PLCB1: variants seen among roughly 807,000 people sequenced by gnomAD.
The protein encoded by PLCB1 is phospholipase C beta 1, also known as 1-phosphatidylinositol 4,5-bisphosphate phosphodiesterase beta-1.
Under a neutral mutation model 161.8 loss-of-function variants are expected in PLCB1, and 46 were observed. The observed-to-expected ratio is 0.28, with a 90% CI of 0.22 to 0.36. The LOEUF (loss-of-function observed/expected upper bound fraction) is 0.36, where lower values mean the gene tolerates loss of function less well. Ranked by LOEUF, PLCB1 falls within the 10% of genes least tolerant of loss-of-function variation. PLCB1 has a pLI of 1.00. For missense variants in PLCB1, 1,016 were observed against 1,472.5 expected, an observed-to-expected ratio of 0.69 and a Z score of 5.07; for synonymous variants, 517 against 503.7, an observed-to-expected ratio of 1.03 and a Z score of -0.35.
intron 10 of PLCB1, among the ~76,000 whole-genome samples, chr20:8,694,777 G>C (rs1990551092): frequency 6.6e-6 from 1 of 152,168 alleles, no homozygotes; most frequent in Non-Finnish European, 1.5e-5. Flanking sequence ...TCAGTGATGT[G>C]CGTAAACAAT....
At chr20:8,876,550 A>G (rs1246438274) in intron 31 of PLCB1, among the ~76,000 whole-genome samples, 1 of 152,156 alleles carries the variant, frequency 6.6e-6, no homozygotes, top group African/African-American at 2.4e-5. Context: ...CCTCACTCAA[A>G]GTTATAGCCA....
chr20:8,880,100 CAG>C (rs891785474), intron 31 of PLCB1, among the ~76,000 whole-genome samples: 20 of 151,940 alleles, frequency 1.3e-4, no homozygotes, highest in South Asian at 4.2e-4. Context: ...GTTTGAAAAG[CAG>C]GGGGAAAAAT....
In PLCB1 at chr20:8,829,755, G is replaced by A. The variant is rs113204927; in HGVS notation, c.3423+39494G>A. 5.1e-3 allele frequency among the ~76,000 whole-genome samples: 770 copies of A among 152,304 alleles called. 11 individuals are homozygous for A. The highest frequency in any genetic ancestry group is 0.017 in the African/African-American group (703 of 41,556). ...AGGGTAGAACAAACTGTTCAGCAACGTATAGATCATTAGGTTTTAAAACCA... is the reference window on the plus strand; with the variant it reads ...AGGGTAGAACAAACTGTTCAGCAACATATAGATCATTAGGTTTTAAAACCA... On this transcript the variant is annotated intron_variant, in intron 31 of 31. Transcript: ENST00000338037.
chr20:8,824,174 G>T (rs1415521111), intron 31 of PLCB1, among the ~76,000 whole-genome samples: 2 of 152,124 alleles, frequency 1.3e-5, no homozygotes, highest in Non-Finnish European at 2.9e-5. Flanking sequence ...ACTGCAGATT[G>T]TTGGGCCTGT....
chr20:8,510,663 T>C (rs1362635673), intron 3 of PLCB1, among the ~76,000 whole-genome samples: 2 of 152,170 alleles, frequency 1.3e-5, no homozygotes, highest in Non-Finnish European at 2.9e-5. Flanking sequence ...AGTGCTGGGA[T>C]TACAGGCGTG....
chr20:8,299,104 G>A (rs926350972), intron 2 of PLCB1, among the ~76,000 whole-genome samples: 16 of 152,126 alleles, frequency 1.1e-4, no homozygotes, highest in African/African-American at 3.9e-4. Context: ...TCCTCTAGAG[G>A]CAAAGCCAAC....
chr20:8,644,953 A>G (rs1320187660), intron 4 of PLCB1, among the ~76,000 whole-genome samples: 1 of 152,150 alleles, frequency 6.6e-6, no homozygotes, highest in Admixed American at 6.5e-5. Context: ...AGAGGTAGAC[A>G]TGGGAGACTT....
At chr20:8,198,125 A>T (rs926789338) in intron 2 of PLCB1, among the ~76,000 whole-genome samples, 1 of 152,028 alleles carries the variant, frequency 6.6e-6, no homozygotes, top group Non-Finnish European at 1.5e-5. Context: ...TTGGCTTAAG[A>T]TTGACTTGAC....
chr20:8,705,814 A>G (rs538943786), intron 11 of PLCB1, among the ~76,000 whole-genome samples: 1 of 152,372 alleles, frequency 6.6e-6, no homozygotes, highest in African/African-American at 2.4e-5. Flanking sequence ...AAGAAATGGC[A>G]GGTGCCAGAT....
At chr20:8,391,637 T>C (rs981427312) in intron 3 of PLCB1, among the ~76,000 whole-genome samples, 3 of 151,870 alleles carry the variant, frequency 2.0e-5, no homozygotes, top group African/African-American at 7.3e-5. Context: ...TTTGTCTTGC[T>C]AGTTGGATTT....
chr20:8,810,487 C>G (rs1375801494), intron 31 of PLCB1, among the ~76,000 whole-genome samples: 2 of 152,020 alleles, frequency 1.3e-5, no homozygotes, highest in African/African-American at 4.8e-5. Context: ...CAGTTTTCGC[C>G]CTTTCTCCAA....
intron 2 of PLCB1, among the ~76,000 whole-genome samples, chr20:8,204,522 A>G (rs1978426558): frequency 6.6e-6 from 1 of 152,018 alleles, no homozygotes; most frequent in Non-Finnish European, 1.5e-5. Flanking sequence ...TGTTTGGCTC[A>G]TGGGGGCAGA....
chr20:8,765,374 AT>A lies in PLCB1; in HGVS notation c.2930+21del. ...GTAAGAAAAAGTAAGTTCAATGAAT[AT>A]TTTTAGTTGGTTTCATAGCATGAAG... On this transcript the variant is annotated intron_variant, in intron 26 of 31. Coordinates refer to ENST00000338037, the MANE Select transcript of PLCB1 (RefSeq NM_015192.4). 6.4e-7 allele frequency: 1 copy of A among 1,565,922 alleles called. No homozygotes were observed. Among genetic ancestry groups the A allele is most frequent in the Non-Finnish European group, 8.7e-7 (1 of 1,143,006 alleles).
At chr20:8,181,913 G>A (rs186655352) in intron 2 of PLCB1, among the ~76,000 whole-genome samples, 2 of 152,282 alleles carry the variant, frequency 1.3e-5, no homozygotes, top group East Asian at 3.9e-4. Context: ...AGGTTACAGT[G>A]AGCTATGATT....
At chr20:8,283,365 A>C (rs1457390828) in intron 2 of PLCB1, among the ~76,000 whole-genome samples, 4 of 151,994 alleles carry the variant, frequency 2.6e-5, no homozygotes, top group African/African-American at 9.7e-5. Flanking sequence ...TCAAAACCTA[A>C]AGATACTGTT....
chr20:8,326,303 T>C (rs1051113897), intron 2 of PLCB1, among the ~76,000 whole-genome samples: 1 of 152,220 alleles, frequency 6.6e-6, no homozygotes, highest in African/African-American at 2.4e-5. Flanking sequence ...TTTAATTTTC[T>C]GTTGTTACTC....
intron 1 of PLCB1, among the ~76,000 whole-genome samples, chr20:8,138,710 T>A (rs920848574): frequency 6.6e-6 from 1 of 152,328 alleles, no homozygotes; most frequent in East Asian, 1.9e-4. Flanking sequence ...TTGATTTTTG[T>A]AACTAACTAA....
chr20:8,724,615 G>T (rs778514448), intron 15 of PLCB1, 41 bp from the exon 16 acceptor site: 1 of 1,101,120 alleles, frequency 9.1e-7, no homozygotes, highest in South Asian at 1.3e-5. Flanking sequence ...ATAATATAAT[G>T]CTGACTCTGG....
chr20:8,646,125 T>C lies in PLCB1; in HGVS notation c.408T>C (p.Ser136=). The change falls in exon 5 of 32, where the codon AGT becomes AGC. Residue 136 remains serine, a synonymous_variant. Coordinates refer to ENST00000338037, the MANE Select transcript of PLCB1 (RefSeq NM_015192.4). ...VAKEWTNEVF[S]LATNLLAQNM... is the part of the protein sequence containing the mutation. ...AGGAATGGACAAATGAGGTTTTCAG[T>C]TTGGCAACAAACCTGCTGGCCCAAA... 6.2e-7 allele frequency: 1 copy of C among 1,613,330 alleles called. No individual in the cohort carries two copies. Among genetic ancestry groups the C allele is most frequent in the Non-Finnish European group, 8.5e-7 (1 of 1,179,248 alleles).
Sources: allele counts gnomAD v4.1 joint callset (sites outside exome capture counted in the v4.1 genomes callset), GRCh38; gene constraint gnomAD v4.1.1; transcripts MANE v1.5; gene names NCBI Gene and HGNC (gene_info 2026-07-23, HGNC 2026-07-21).